PGBD2: variants seen among roughly 807,000 people sequenced by gnomAD.
PGBD2 encodes the protein piggyBac transposable element-derived protein 2.
PGBD2 carries 6 observed loss-of-function variants against 8.1 expected under a neutral mutation model. The observed-to-expected ratio is 0.74, with a 90% CI of 0.40 to 1.46. PGBD2 has a LOEUF of 1.46. PGBD2 is among the 40% of genes most tolerant of loss of function. The pLI is 0.02. For synonymous variants in PGBD2, 318 were observed against 272.2 expected, an observed-to-expected ratio of 1.17 and a Z score of -1.66; for missense variants, 802 against 739.0, an observed-to-expected ratio of 1.09 and a Z score of -0.99.
downstream of PGBD2, among the ~76,000 whole-genome samples, chr1:248,924,745 C>T (rs1662350761): frequency 6.6e-6 from 1 of 152,206 alleles, no homozygotes; most frequent in African/African-American, 2.4e-5. Context: ...TTGATGCCTC[C>T]TGTGTGTGAG....
chr1:248,873,142 G>A, the PGBD2 span, among the ~76,000 whole-genome samples: 1 of 151,710 alleles, frequency 6.6e-6, no homozygotes, highest in Non-Finnish European at 1.5e-5. Context: ...GCCTGGACGA[G>A]TGGTATCTGG....
chr1:248,908,468 T>A (rs1661739286), intron 1 of PGBD2, among the ~76,000 whole-genome samples: 1 of 151,736 alleles, frequency 6.6e-6, no homozygotes, highest in African/African-American at 2.4e-5. Context: ...CTTTCTCCCC[T>A]GCCCTACCCC....
chr1:248,926,620 T>G, the PGBD2 span, among the ~76,000 whole-genome samples: 2 of 152,240 alleles, frequency 1.3e-5, no homozygotes, highest in Non-Finnish European at 2.9e-5. Context: ...TGTTTGTTAT[T>G]ACTCACTAAA....
the PGBD2 span, among the ~76,000 whole-genome samples, chr1:248,900,153 G>T: frequency 3.4e-5 from 5 of 145,506 alleles, no homozygotes; most frequent in Non-Finnish European, 7.4e-5. Context: ...AATTCTACCA[G>T]AGGTGTAAAG....
upstream of PGBD2, among the ~76,000 whole-genome samples, chr1:248,903,225 G>A (rs59368719): frequency 1.7e-3 from 256 of 152,134 alleles, 2 homozygotes; most frequent in East Asian, 0.022. Context: ...TAGAGACAGG[G>A]TCTCATTCTG....
chr1:248,917,990 A>C lies in PGBD2; in HGVS notation c.1406A>C (p.Asn469Thr). ...KVGGVGRMDQNIAKYKVKIRG... is the reference protein window; with the variant it reads ...KVGGVGRMDQTIAKYKVKIRG... ...GGTGGCGTTGGTAGGATGGATCAGA[A>C]TATTGCCAAGTACAAGGTGAAGATC... The change falls in exon 3 of 3, where the codon AAT becomes ACT. Residue 469 changes from asparagine to threonine, a missense_variant. Transcript: ENST00000329291. 1 of 1,614,220 alleles carries C rather than the reference A, an allele frequency of 6.2e-7. No homozygotes were observed. Among genetic ancestry groups the C allele is most frequent in the Non-Finnish European group, 8.5e-7 (1 of 1,180,036 alleles).
chr1:248,916,379 G>A (rs1056257231), intron 2 of PGBD2, among the ~76,000 whole-genome samples: 1 of 152,028 alleles, frequency 6.6e-6, no homozygotes, highest in Non-Finnish European at 1.5e-5. Flanking sequence ...CTCCAGCCTG[G>A]GTGACAGAGC....
At chr1:248,922,339 G>A (rs11205398), downstream of PGBD2, among the ~76,000 whole-genome samples, 7,883 of 152,226 alleles carry the variant, frequency 0.052, 321 homozygotes, top group African/African-American at 0.11. Context: ...GATTACAGAC[G>A]TGAGCCACCG....
chr1:248,900,389 T>C, the PGBD2 span, among the ~76,000 whole-genome samples: 1 of 152,180 alleles, frequency 6.6e-6, no homozygotes, highest in Admixed American at 6.5e-5. Context: ...AAAAAGCTTA[T>C]CCACCATGAT....
the PGBD2 span, among the ~76,000 whole-genome samples, chr1:248,882,192 G>A: frequency 2.6e-5 from 4 of 152,146 alleles, no homozygotes; most frequent in Non-Finnish European, 5.9e-5. Context: ...TGGTCCCACG[G>A]AGCCAAAAAT....
the PGBD2 span, among the ~76,000 whole-genome samples, chr1:248,890,006 C>T: frequency 6.6e-6 from 1 of 151,194 alleles, no homozygotes; most frequent in Admixed American, 6.6e-5. Flanking sequence ...CAGCTCACCA[C>T]AACCTCCACC....
chr1:248,923,723 G>T (rs1662331322), downstream of PGBD2, among the ~76,000 whole-genome samples: 1 of 152,136 alleles, frequency 6.6e-6, no homozygotes, highest in Non-Finnish European at 1.5e-5. Flanking sequence ...TGTTAAATTT[G>T]GCTTTTGCCA....
At position 248,916,689 on chromosome 1, in the gene PGBD2, C is replaced by G; in HGVS notation, c.105C>G (p.Ser35=). 1 of 1,614,036 alleles carries G rather than the reference C, an allele frequency of 6.2e-7. No individual in the cohort carries two copies. The highest frequency in any genetic ancestry group is 8.5e-7 in the Non-Finnish European group (1 of 1,179,988). ...TGAATGCTATGGAGGAGGAAGAGTC[C>G]AACAACAACAGGGAAGAGATTTTCA... ...EVLNAMEEEE[S]NNNREEIFIA... is the part of the protein sequence containing the mutation. Residue 35 remains serine (S), a synonymous_variant, in exon 3 of 3, where the codon TCC becomes TCG. Coordinates refer to ENST00000329291, the MANE Select transcript of PGBD2 (RefSeq NM_170725.3).
chr1:248,887,362 T>C, the PGBD2 span, among the ~76,000 whole-genome samples: 2 of 152,220 alleles, frequency 1.3e-5, no homozygotes, highest in Non-Finnish European at 2.9e-5. Context: ...TTTTTTGACC[T>C]GGACGCTTTT....
intron 2 of PGBD2, among the ~76,000 whole-genome samples, chr1:248,916,065 T>C (rs1038159130): frequency 6.6e-6 from 1 of 152,126 alleles, no homozygotes; most frequent in African/African-American, 2.4e-5. Context: ...GGAAAGGAAG[T>C]AGGTAAGACC....
At chr1:248,906,010 A>G (rs960350575), upstream of PGBD2, among the ~76,000 whole-genome samples, 1 of 150,130 alleles carries the variant, frequency 6.7e-6, no homozygotes, top group Non-Finnish European at 1.5e-5. Flanking sequence ...GGAGCGAGGA[A>G]GGTTTCCAAA....
chr1:248,901,555 T>C (rs1302152486), upstream of PGBD2, among the ~76,000 whole-genome samples: 2 of 152,218 alleles, frequency 1.3e-5, no homozygotes, highest in African/African-American at 2.4e-5. Context: ...AAACTGAAAC[T>C]GGACCCCATC....
upstream of PGBD2, among the ~76,000 whole-genome samples, chr1:248,901,870 A>G (rs1661539846): frequency 6.6e-6 from 1 of 152,256 alleles, no homozygotes; most frequent in African/African-American, 2.4e-5. Flanking sequence ...TCATTTGACA[A>G]AGGTCTGATA....
At chr1:248,874,769 T>C in the PGBD2 span, among the ~76,000 whole-genome samples, 61 of 152,276 alleles carry the variant, frequency 4.0e-4, no homozygotes, top group African/African-American at 1.4e-3. Context: ...CTTTTCATTT[T>C]TTAAATAAGT....
Sources: allele counts gnomAD v4.1 joint callset (sites outside exome capture counted in the v4.1 genomes callset), GRCh38; gene constraint gnomAD v4.1.1; transcripts MANE v1.5; gene names NCBI Gene and HGNC (gene_info 2026-07-23, HGNC 2026-07-21).